MINDY3: variants seen among roughly 807,000 people sequenced by gnomAD.
The protein encoded by MINDY3 is ubiquitin carboxyl-terminal hydrolase MINDY-3.
A neutral mutation model predicts 69.2 loss-of-function variants in MINDY3; 38 were observed. That is an observed-to-expected ratio of 0.55 (90% confidence interval 0.42 to 0.72). The LOEUF is 0.72. Among genes scored for constraint, MINDY3 ranks in the 30% least tolerant of loss-of-function variants. The pLI is 0.00. For missense variants in MINDY3, 522 were observed against 519.0 expected (o/e 1.01, Z -0.06); for synonymous variants, 192 against 180.1 (o/e 1.07, Z -0.53).
intron 9 of MINDY3, among the ~76,000 whole-genome samples, chr10:15,820,646 T>G (rs968361164): frequency 1.3e-5 from 2 of 151,980 alleles, no homozygotes; most frequent in African/African-American, 2.4e-5. Flanking sequence ...ACTAAAGGAG[T>G]AAGGGCAGGA....
intron 1 of MINDY3, among the ~76,000 whole-genome samples, chr10:15,853,651 T>C (rs116639199): frequency 0.017 from 2,645 of 152,122 alleles, 78 homozygotes; most frequent in African/African-American, 0.061. Context: ...AAAGCACTTA[T>C]GCTACATACT....
chr10:15,823,101 G>GTAGTAAGGCTACTAGATGT (rs1839878394), intron 8 of MINDY3, among the ~76,000 whole-genome samples: 1 of 152,048 alleles, frequency 6.6e-6, no homozygotes, highest in Non-Finnish European at 1.5e-5. Context: ...ACATTTTACT[G>GTAGTAAGGCTACTAGATGT]TGTAGCCTTA....
rs183853055 is a variant in MINDY3, at chr10:15,856,213, C to T, written c.94+3993G>A. On this transcript the variant is annotated intron_variant, in intron 1 of 14. Coordinates refer to ENST00000277632, the MANE Select transcript of MINDY3 (RefSeq NM_024948.4). Reference sequence around the variant, plus strand: ...AATCACATTAAAATAAATACCCAAACACGCCTTTAAACCTTAAATTAACCC... The same window carrying T: ...AATCACATTAAAATAAATACCCAAATACGCCTTTAAACCTTAAATTAACCC... Among the ~76,000 whole-genome samples the T allele has an allele frequency of 2.5e-3, 378 of 151,988 alleles. 4 individuals carry two copies. The highest frequency in any genetic ancestry group is 0.016 in the South Asian group (75 of 4,820).
chr10:15,795,717 T>G (rs1837766410), intron 11 of MINDY3, among the ~76,000 whole-genome samples: 2 of 152,084 alleles, frequency 1.3e-5, no homozygotes, highest in South Asian at 4.1e-4. Context: ...CTCTGCTTCT[T>G]TATCCTGGGA....
chr10:15,855,909 C>T (rs1432817240), intron 1 of MINDY3, among the ~76,000 whole-genome samples: 1 of 151,990 alleles, frequency 6.6e-6, no homozygotes, highest in African/African-American at 2.4e-5. Flanking sequence ...ATCACAGATA[C>T]TTTCAAGTAT....
At chr10:15,846,437 T>C (rs1196633350) in intron 2 of MINDY3, among the ~76,000 whole-genome samples, 1 of 152,204 alleles carries the variant, frequency 6.6e-6, no homozygotes, top group Non-Finnish European at 1.5e-5. Context: ...AGTTACTCAG[T>C]ACAACAGCTA....
At chr10:15,837,391 A>T in intron 5 of MINDY3, 73 bp from the exon 6 acceptor site, 1 of 1,288,492 alleles carries the variant, frequency 7.8e-7, no homozygotes, top group African/African-American at 1.5e-5. Context: ...AAAATTTTTA[A>T]ATTTTCTTAT....
intron 4 of MINDY3, among the ~76,000 whole-genome samples, chr10:15,840,930 A>C (rs1317164919): frequency 6.6e-6 from 1 of 151,636 alleles, no homozygotes; most frequent in Non-Finnish European, 1.5e-5. Flanking sequence ...CATAATTAAA[A>C]TTGCCTTAAA....
rs1354204709 is a variant in MINDY3 at position 15,821,549 on chromosome 10, T to C, written c.801+107A>G. ...ATAGGAAGGAAGAAGAGAGCGGTACTGAACCATAGTGCTGTGCTCAAATGT... is the reference window on the plus strand; with the variant it reads ...ATAGGAAGGAAGAAGAGAGCGGTACCGAACCATAGTGCTGTGCTCAAATGT... On this transcript the variant is annotated intron_variant, in intron 9 of 14. Transcript: ENST00000277632. 1.6e-5 allele frequency: 13 copies of C among 802,816 alleles called. No homozygotes were observed. In the Middle Eastern group the frequency reaches 9.9e-4, roughly 61 times the overall value. 49.7% of individuals were successfully genotyped at this position (802,816 alleles called of 1,614,324 possible).
intron 11 of MINDY3, among the ~76,000 whole-genome samples, chr10:15,793,898 C>T (rs557899435): frequency 1.1e-3 from 162 of 152,202 alleles, no homozygotes; most frequent in African/African-American, 3.8e-3. Flanking sequence ...ATGCTCCAAA[C>T]GATCAGTACT....
At chr10:15,828,436 C>T (rs1188786677) in intron 8 of MINDY3, among the ~76,000 whole-genome samples, 3 of 152,032 alleles carry the variant, frequency 2.0e-5, no homozygotes, top group Non-Finnish European at 4.4e-5. Context: ...ATAAGGAGGA[C>T]AGGCTTTCTT....
chr10:15,801,139 G>T (rs1054355377), intron 10 of MINDY3, among the ~76,000 whole-genome samples: 2 of 152,134 alleles, frequency 1.3e-5, no homozygotes, highest in Non-Finnish European at 2.9e-5. Context: ...ATATCTGCCT[G>T]AACAGGTTTT....
Position 15,778,867 on chromosome 10 carries a change from GTTT to G in MINDY3, c.*122_*124del, listed in dbSNP as rs1836296219. On this transcript the variant is annotated 3_prime_UTR_variant, in exon 15 of 15. Coordinates refer to ENST00000277632, the MANE Select transcript of MINDY3 (RefSeq NM_024948.4). Reference sequence around the variant, plus strand: ...AACATATCATAAACACTGAAAATGTGTTTTTAATTGTTATTTACAGTTAATCAG... The same window carrying G: ...AACATATCATAAACACTGAAAATGTGTTAATTGTTATTTACAGTTAATCAG... 1.4e-6 allele frequency: 1 copy of G among 721,482 alleles called. No individual in the cohort carries two copies. The highest frequency in any genetic ancestry group is 3.7e-4 in the Middle Eastern group (1 of 2,688). The allele number at this position is 721,482 out of a possible 1,614,324, so 44.7% of individuals were successfully genotyped here.
In MINDY3 at chr10:15,841,505, C is replaced by A. The variant is rs956635820; in HGVS notation, c.330G>T (p.Trp110Cys). 2 of 1,612,016 alleles carry A rather than the reference C, an allele frequency of 1.2e-6. No homozygotes were observed. The highest frequency in any genetic ancestry group is 1.7e-6 in the Non-Finnish European group (2 of 1,178,604). ...DHSGSYCLVS[W>C]LRGKTTEETA... ...TTTCCTCAGTTGTCTTTCCTCTTAA[C>A]CATGAAACCAAGCAGTATGATCCAG... The change falls in exon 4 of 15, where the codon TGG becomes TGT. Residue 110 changes from tryptophan to cysteine, a missense_variant. Trp to Cys is a radical substitution (Grantham distance 215, BLOSUM62 -2). Transcript: ENST00000277632.
intron 10 of MINDY3, among the ~76,000 whole-genome samples, chr10:15,815,676 G>A (rs563519188): frequency 6.6e-6 from 1 of 152,280 alleles, no homozygotes; most frequent in East Asian, 1.9e-4. Context: ...TGATGATGAT[G>A]ATGATGATGA....
chr10:15,826,410 A>T (rs1305959525), intron 8 of MINDY3, among the ~76,000 whole-genome samples: 3 of 152,338 alleles, frequency 2.0e-5, no homozygotes, highest in Admixed American at 6.5e-5. Flanking sequence ...TGGATTCAGG[A>T]CCATATAATC....
chr10:15,813,961 G>A (rs1462436360), intron 10 of MINDY3, among the ~76,000 whole-genome samples: 14 of 118,706 alleles, frequency 1.2e-4, no homozygotes, highest in East Asian at 2.4e-4. Context: ...GTATAATAAA[G>A]CAAACTCACC....
chr10:15,779,624 G>T (rs1386832065), intron 14 of MINDY3, among the ~76,000 whole-genome samples: 1 of 152,090 alleles, frequency 6.6e-6, no homozygotes, highest in Non-Finnish European at 1.5e-5. Context: ...TGAATTTCTA[G>T]AGCTGAAACC....
At chr10:15,827,846 A>C (rs1840195522) in intron 8 of MINDY3, among the ~76,000 whole-genome samples, 1 of 152,248 alleles carries the variant, frequency 6.6e-6, no homozygotes, top group Admixed American at 6.5e-5. Context: ...ATGTGAATTA[A>C]AACAGCCTAT....
Sources: gnomAD v4.1 joint callset for allele counts (sites outside exome capture counted in the v4.1 genomes callset) on GRCh38, gnomAD v4.1.1 for gene constraint, MANE v1.5 for transcripts, NCBI Gene and HGNC (gene_info 2026-07-23, HGNC 2026-07-21) for gene names.